Variants in TGM3 observed in about 807,000 individuals in gnomAD.
TGM3 encodes protein-glutamine gamma-glutamyltransferase E.
A neutral mutation model predicts 73.8 loss-of-function variants in TGM3; 52 were observed. The observed-to-expected ratio is 0.70, with a 90% CI of 0.56 to 0.89. TGM3 has a LOEUF of 0.89. Among genes scored for constraint, TGM3 ranks in the 40% least tolerant of loss-of-function variants. The pLI is 0.00. For synonymous variants in TGM3, 372 were observed against 354.9 expected (o/e 1.05, Z -0.54); for missense variants, 928 against 909.9 (o/e 1.02, Z -0.26).
At chr20:2,303,038 G>C (rs214788) in intron 1 of TGM3, among the ~76,000 whole-genome samples, 75 of 152,204 alleles carry the variant, frequency 4.9e-4, no homozygotes, top group African/African-American at 1.8e-3. Flanking sequence ...GGTGGCTCAC[G>C]ACTGTAATCC....
At chr20:2,327,554 A>T (rs539779395) in intron 8 of TGM3, among the ~76,000 whole-genome samples, 2 of 152,344 alleles carry the variant, frequency 1.3e-5, no homozygotes, top group Non-Finnish European at 2.9e-5. Flanking sequence ...TTTCTGTATC[A>T]TATGTGTGCC....
intron 11 of TGM3, among the ~76,000 whole-genome samples, chr20:2,338,533 T>C (rs1402902896): frequency 6.6e-6 from 1 of 152,196 alleles, no homozygotes; most frequent in African/African-American, 2.4e-5. Context: ...GTAAAATGCT[T>C]CAATTACTCA....
intron 1 of TGM3, among the ~76,000 whole-genome samples, chr20:2,304,890 C>T (rs1309662470): frequency 2.0e-5 from 3 of 152,102 alleles, no homozygotes; most frequent in East Asian, 1.9e-4. Flanking sequence ...AGATTTAAAT[C>T]GGGAGTTCCC....
At chr20:2,322,553 G>C (rs1320353214) in intron 7 of TGM3, among the ~76,000 whole-genome samples, 2 of 152,156 alleles carry the variant, frequency 1.3e-5, no homozygotes, top group Admixed American at 1.3e-4. Flanking sequence ...TGTAAAGTCA[G>C]GTTACATAAA....
intron 4 of TGM3, among the ~76,000 whole-genome samples, chr20:2,311,336 T>C (rs752707196): frequency 1.3e-5 from 2 of 152,128 alleles, no homozygotes; most frequent in Non-Finnish European, 2.9e-5. Context: ...ATAAGACAGA[T>C]CCATCTTTGA....
intron 7 of TGM3, among the ~76,000 whole-genome samples, chr20:2,323,652 G>C (rs1294314492): frequency 1.3e-5 from 2 of 152,182 alleles, no homozygotes; most frequent in African/African-American, 4.8e-5. Flanking sequence ...CAAGGTCATA[G>C]CAATTTAAAC....
At chr20:2,299,336 C>T (rs1454689992) in intron 1 of TGM3, among the ~76,000 whole-genome samples, 5 of 152,168 alleles carry the variant, frequency 3.3e-5, no homozygotes, top group African/African-American at 9.7e-5. Context: ...CTCCATTAAG[C>T]GCCTCAGCAC....
intron 1 of TGM3, among the ~76,000 whole-genome samples, chr20:2,308,866 C>T (rs1224913531): frequency 7.6e-6 from 1 of 131,580 alleles, no homozygotes; most frequent in Non-Finnish European, 1.6e-5. Context: ...AGAGAGGTAT[C>T]CTCCCTTCAG....
Position 2,317,432 on chromosome 20 carries a change from T to C in TGM3, c.930T>C (p.Asp310=). The C allele has an allele frequency of 1.2e-6, 2 of 1,614,242 alleles. No homozygotes were observed. The highest frequency in any genetic ancestry group is 8.5e-7 in the Non-Finnish European group (1 of 1,180,032). ...ACACAGACCGAAATCTCAGTGTGGA[T>C]GTGTACTACGACCCCATGGGAAACC... The part of the protein sequence containing the change: ...AHDTDRNLSV[D]VYYDPMGNPL... Residue 310 remains aspartate (D), a synonymous_variant, in exon 7 of 13, where the codon GAT becomes GAC. Transcript: ENST00000381458.
chr20:2,304,522 C>T (rs1402093910), intron 1 of TGM3, among the ~76,000 whole-genome samples: 2 of 152,152 alleles, frequency 1.3e-5, no homozygotes, highest in Non-Finnish European at 2.9e-5. Flanking sequence ...GCATGAGGGC[C>T]CCTCACCACT....
chr20:2,303,904 C>T (rs1312615022), intron 1 of TGM3, among the ~76,000 whole-genome samples: 1 of 152,192 alleles, frequency 6.6e-6, no homozygotes, highest in Non-Finnish European at 1.5e-5. Flanking sequence ...GGCAAACCAC[C>T]TCTCTGGCCT....
chr20:2,335,966 C>T (rs575053309), intron 11 of TGM3, among the ~76,000 whole-genome samples: 8 of 152,358 alleles, frequency 5.3e-5, no homozygotes, highest in Admixed American at 4.6e-4. Context: ...CATGCCCCTC[C>T]AAGGCGTCCT....
chr20:2,308,997 C>G (rs931027874), intron 1 of TGM3, among the ~76,000 whole-genome samples: 2 of 152,096 alleles, frequency 1.3e-5, no homozygotes, highest in African/African-American at 4.8e-5. Context: ...CCTGCCTCAC[C>G]CTCTTGAGTA....
chr20:2,317,926 T>C (rs2084243404), intron 7 of TGM3, among the ~76,000 whole-genome samples: 1 of 134,862 alleles, frequency 7.4e-6, no homozygotes, highest in African/African-American at 3.1e-5. Context: ...TCTTAGCATA[T>C]ATATATATAT....
intron 8 of TGM3, among the ~76,000 whole-genome samples, chr20:2,327,364 T>C (rs573467412): frequency 1.3e-5 from 2 of 151,554 alleles, no homozygotes; most frequent in East Asian, 3.9e-4. Flanking sequence ...TAGTCCCAGC[T>C]ACTGAGAGAG....
chr20:2,340,623 G>T lies in TGM3; in HGVS notation c.*42G>T, dbSNP rs559277246. 1 of 1,612,976 alleles carries T rather than the reference G, an allele frequency of 6.2e-7. No individual in the cohort carries two copies. Among genetic ancestry groups the T allele is most frequent in the African/African-American group, 1.3e-5 (1 of 75,002 alleles). ...CCCGTACAAACTTGGACAACACGGA[G>T]CAGGGAGAGCTCACCATGGAATGAA... On this transcript the variant is annotated 3_prime_UTR_variant, in exon 13 of 13. Coordinates refer to ENST00000381458, the MANE Select transcript of TGM3 (RefSeq NM_003245.4).
At chr20:2,299,819 C>T (rs937696339) in intron 1 of TGM3, among the ~76,000 whole-genome samples, 2 of 152,164 alleles carry the variant, frequency 1.3e-5, no homozygotes, top group African/African-American at 4.8e-5. Flanking sequence ...AAATGCTGGC[C>T]GGGTGCAATG....
rs550243366 is a variant in TGM3 at position 2,334,403 on chromosome 20, C to T, written c.1643-713C>T. ...ATTTAGAAAACAAAACAGAACAAAA[C>T]GAAAAACAGCTTTCCAAAGCTTTGT... On this transcript the variant is annotated intron_variant, in intron 10 of 12. Transcript: ENST00000381458. This position sits in a 1 kb window ranked among gnomAD's most constrained non-coding sequence, Gnocchi z 4.0. Among the ~76,000 whole-genome samples, 23 of 152,234 alleles carry T rather than the reference C, an allele frequency of 1.5e-4. No individual in the cohort carries two copies. Among genetic ancestry groups the T allele is most frequent in the African/African-American group, 3.1e-4 (13 of 41,526 alleles).
chr20:2,340,287 C>G, intron 12 of TGM3, 147 bp from the exon 13 acceptor site: 3 of 1,281,030 alleles, frequency 2.3e-6, no homozygotes, highest in East Asian at 2.3e-5. Flanking sequence ...GGAGGGGCCC[C>G]GTAACCCAGA....
Sources: gnomAD v4.1 joint callset for allele counts (sites outside exome capture counted in the v4.1 genomes callset) on GRCh38, gnomAD v4.1.1 for gene constraint, Gnocchi (gnomAD v3.1) non-coding constraint, MANE v1.5 for transcripts, NCBI Gene and HGNC (gene_info 2026-07-23, HGNC 2026-07-21) for gene names.